The following KIF3B variants were observed in gnomAD, a reference collection of about 807,000 sequenced individuals.
KIF3B encodes kinesin family member 3B.
A neutral mutation model predicts 74.3 loss-of-function variants in KIF3B; 38 were observed. The ratio of observed to expected loss-of-function variants is 0.51; its 90% CI spans 0.39 to 0.67. The LOEUF is 0.67. Ranked by LOEUF, KIF3B falls within the 30% of genes least tolerant of loss-of-function variation. The pLI is 0.00. For synonymous variants in KIF3B, 326 were observed against 342.5 expected (o/e 0.95, Z 0.53); for missense variants, 649 against 932.0 (o/e 0.70, Z 3.95).
chr20:32,302,031 G>T (rs1215279942), intron 1 of KIF3B, among the ~76,000 whole-genome samples: 1 of 152,212 alleles, frequency 6.6e-6, no homozygotes, highest in Non-Finnish European at 1.5e-5. Flanking sequence ...TAGCAGAAAA[G>T]GTCTTCAGGA....
chr20:32,290,148 C>T (rs908344890), intron 1 of KIF3B, among the ~76,000 whole-genome samples: 4 of 152,154 alleles, frequency 2.6e-5, no homozygotes, highest in African/African-American at 7.2e-5. Flanking sequence ...TTTAGGAGGC[C>T]GAGGCAGGTA....
chr20:32,327,978 G>A (rs1006335976), intron 7 of KIF3B, among the ~76,000 whole-genome samples: 2 of 151,886 alleles, frequency 1.3e-5, no homozygotes, highest in African/African-American at 4.8e-5. Flanking sequence ...GTGTGTGCCT[G>A]TAGTCCCAGC....
At chr20:32,278,966 C>G (rs568822769) in intron 1 of KIF3B, among the ~76,000 whole-genome samples, 1 of 139,418 alleles carries the variant, frequency 7.2e-6, no homozygotes, top group African/African-American at 2.6e-5. Context: ...GTCTGTTGCC[C>G]AGGCTGGAGT....
chr20:32,286,107 A>G (rs566889498), intron 1 of KIF3B, among the ~76,000 whole-genome samples: 3 of 152,328 alleles, frequency 2.0e-5, no homozygotes, highest in Admixed American at 6.5e-5. Context: ...CAGCACTTGC[A>G]TTTTGTCATG....
rs10699896 is a variant in KIF3B, at chr20:32,287,872, C to CTTT, written c.-66+10133_-66+10135dup. ...CCTTCTTAGGATCCTCTAAAAGTATCTTTTTTTTTTTTTTTTTTTTTTTTT... is the reference window on the plus strand; with the variant it reads ...CCTTCTTAGGATCCTCTAAAAGTATCTTTTTTTTTTTTTTTTTTTTTTTTTTTT... On this transcript the variant is annotated intron_variant, in intron 1 of 8. Coordinates refer to ENST00000375712, the MANE Select transcript of KIF3B (RefSeq NM_004798.4). 8.0e-3 allele frequency among the ~76,000 whole-genome samples: 379 copies of CTTT among 47,498 alleles called. 123 individuals are homozygous for CTTT. The highest frequency in any genetic ancestry group is 0.03 in the African/African-American group (345 of 11,536). 31.2% of individuals were successfully genotyped at this position (47,498 alleles called of 152,430 possible).
At chr20:32,308,771 G>C (rs2047785160) in intron 1 of KIF3B, among the ~76,000 whole-genome samples, 1 of 149,846 alleles carries the variant, frequency 6.7e-6, no homozygotes, top group South Asian at 2.1e-4. Flanking sequence ...TGTCACCCAG[G>C]CTGGAGCGCA....
chr20:32,317,009 G>A (rs2047831158), intron 5 of KIF3B, 135 bp downstream of exon 5: 4 of 674,862 alleles, frequency 5.9e-6, no homozygotes, highest in Non-Finnish European at 1.1e-5. Flanking sequence ...GCGGAGGCGG[G>A]CAGATCACCT....
At chr20:32,277,917 T>A (rs1180366606) in intron 1 of KIF3B, among the ~76,000 whole-genome samples, 152 bp downstream of exon 1, 3 of 152,194 alleles carry the variant, frequency 2.0e-5, no homozygotes, top group Admixed American at 2.0e-4. Flanking sequence ...CCTTTGGTAG[T>A]CCGGACGGCC....
chr20:32,333,646 A>AAC lies in KIF3B; in HGVS notation c.*2328_*2329insCA, dbSNP rs1316432727. 2.6e-5 allele frequency: 4 copies of AAC among 151,270 alleles called. No homozygotes were observed. Among genetic ancestry groups the AAC allele is most frequent in the Non-Finnish European group, 2.9e-5 (2 of 68,082 alleles). 9.4% of individuals were successfully genotyped at this position (151,270 alleles called of 1,614,324 possible). A position where few individuals can be genotyped will look rare whatever the true frequency, so the allele number is the denominator to read the frequency against. ...AGACTCCCCCTCAAAAAAAAAAAAA[A>AAC]AAAAAAAAAAAACAGAAAGAAAGAA... On this transcript the variant is annotated 3_prime_UTR_variant, in exon 9 of 9. Coordinates refer to ENST00000375712, the MANE Select transcript of KIF3B (RefSeq NM_004798.4).
chr20:32,315,043 C>T (rs536501997), intron 2 of KIF3B, among the ~76,000 whole-genome samples: 13 of 152,304 alleles, frequency 8.5e-5, no homozygotes, highest in Admixed American at 7.2e-4. Context: ...GTCTCTTGGA[C>T]TCATCTACTC....
chr20:32,327,576 G>T lies in KIF3B; in HGVS notation c.1883G>T (p.Arg628Leu). Residue 628 changes from arginine to leucine, a missense_variant, in exon 7 of 9, where the codon CGG becomes CTG. Around this residue, in one of 4 missense-constraint regions of KIF3B, gnomAD observed 186 missense variants for 198.5 expected, o/e 0.94. Coordinates refer to ENST00000375712, the MANE Select transcript of KIF3B (RefSeq NM_004798.4). ...TRLENQQMMK[R>L]PVSAVGYKRP... ...TCCAGGAACCAGCAGATGATGAAGC[G>T]GCCAGTCTCAGCCGTGGGATATAAG... 5 of 1,613,312 alleles carry T rather than the reference G, an allele frequency of 3.1e-6. No individual in the cohort carries two copies. Among genetic ancestry groups the T allele is most frequent in the Non-Finnish European group, 4.2e-6 (5 of 1,179,578 alleles).
intron 1 of KIF3B, among the ~76,000 whole-genome samples, chr20:32,281,578 G>A (rs951364388): frequency 6.6e-6 from 1 of 152,194 alleles, no homozygotes; most frequent in Non-Finnish European, 1.5e-5. Context: ...TTAGCTGGGT[G>A]TGGTGGCACG....
intron 5 of KIF3B, among the ~76,000 whole-genome samples, chr20:32,325,892 T>C (rs2047901785): frequency 6.6e-6 from 1 of 151,978 alleles, no homozygotes; most frequent in Non-Finnish European, 1.5e-5. Flanking sequence ...GTTCTCGAAC[T>C]CCTGACCTCA....
chr20:32,280,631 C>T (rs913070908), intron 1 of KIF3B, among the ~76,000 whole-genome samples: 4 of 137,784 alleles, frequency 2.9e-5, no homozygotes, highest in African/African-American at 1.1e-4. Context: ...AGGAGAATGG[C>T]GTGAACCGGG....
chr20:32,323,614 C>T (rs553667798), intron 5 of KIF3B, among the ~76,000 whole-genome samples: 2 of 152,190 alleles, frequency 1.3e-5, no homozygotes, highest in Non-Finnish European at 2.9e-5. Context: ...CATGGTGGCT[C>T]GTACCTGTAA....
At chr20:32,317,291 C>A (rs749316488) in intron 5 of KIF3B, among the ~76,000 whole-genome samples, 63 of 152,098 alleles carry the variant, frequency 4.1e-4, no homozygotes, top group Non-Finnish European at 6.8e-4. Flanking sequence ...TCCTGCCACC[C>A]CATGTTCTGT....
Position 32,306,713 on chromosome 20 carries a change from G to A in KIF3B, c.-65-3000G>A, listed in dbSNP as rs1457113965. Among the ~76,000 whole-genome samples, 3 of 146,698 alleles carry A rather than the reference G, an allele frequency of 2.0e-5. No individual in the cohort carries two copies. In the Admixed American group the frequency reaches 2.1e-4, roughly 10 times the overall value. On this transcript the variant is annotated intron_variant, in intron 1 of 8. Coordinates refer to ENST00000375712, the MANE Select transcript of KIF3B (RefSeq NM_004798.4). ...GGGTTCAAGCAATTCTCCTGTCTCA[G>A]CCTCCCAAGTAGCTGGGACTACAAG...
chr20:32,327,548 A>G lies in KIF3B; in HGVS notation c.1863-8A>G, dbSNP rs373071903. The G allele has an allele frequency of 1.9e-6, 3 of 1,611,830 alleles. No homozygotes were observed. Among genetic ancestry groups the G allele is most frequent in the African/African-American group, 2.7e-5 (2 of 74,958 alleles). ...AGCCAGGGCTTTAACACTGCAGTTC[A>G]TTTCCAGGAACCAGCAGATGATGAA... is the stretch of plus-strand genomic sequence containing the variant. On this transcript the variant is annotated splice_region_variant and splice_polypyrimidine_tract_variant and intron_variant, in intron 6 of 8. Transcript: ENST00000375712.
chr20:32,322,690 TTATA>T (rs1241395550), intron 5 of KIF3B, among the ~76,000 whole-genome samples: 7 of 53,692 alleles, frequency 1.3e-4, no homozygotes, highest in African/African-American at 9.1e-4. Context: ...TTATATATAT[TTATA>T]TATATTTATA....
Sources: allele counts gnomAD v4.1 joint callset (sites outside exome capture counted in the v4.1 genomes callset), GRCh38; gene constraint gnomAD v4.1.1; regional missense constraint gnomAD v4.1.1; transcripts MANE v1.5; gene names NCBI Gene and HGNC (gene_info 2026-07-23, HGNC 2026-07-21).